Variants in ARRDC5 observed in about 807,000 individuals in gnomAD.
ARRDC5 encodes the protein arrestin domain-containing protein 5.
In ARRDC5, 12 loss-of-function variants were observed where a neutral mutation model predicts 13.3. That is an observed-to-expected ratio of 0.90 (90% CI 0.58 to 1.46). The LOEUF is 1.46. ARRDC5 is among the 40% of genes most tolerant of loss of function. The pLI, the probability that ARRDC5 is intolerant of heterozygous loss-of-function variation, is 0.00. For missense variants in ARRDC5, 406 were observed against 418.7 expected, an observed-to-expected ratio of 0.97 and a Z score of 0.26; for synonymous variants, 181 against 173.4, an observed-to-expected ratio of 1.04 and a Z score of -0.34.
chr19:4,911,396 T>C, the ARRDC5 span, among the ~76,000 whole-genome samples: 1 of 152,172 alleles, frequency 6.6e-6, no homozygotes, highest in Non-Finnish European at 1.5e-5. Context: ...GACCATCTGG[T>C]AGCTAGGACG....
the ARRDC5 span, among the ~76,000 whole-genome samples, chr19:4,914,404 T>C: frequency 2.0e-5 from 3 of 152,288 alleles, no homozygotes; most frequent in East Asian, 5.8e-4. Flanking sequence ...AGTCTTTTTT[T>C]TTCCCTGTTT....
the ARRDC5 span, among the ~76,000 whole-genome samples, chr19:4,908,415 C>T: frequency 6.6e-6 from 1 of 152,112 alleles, no homozygotes; most frequent in African/African-American, 2.4e-5. Context: ...AGACCAAAGT[C>T]CTCCCCGGTG....
At chr19:4,907,038 C>T (rs1194502084), upstream of ARRDC5, among the ~76,000 whole-genome samples, 1 of 152,190 alleles carries the variant, frequency 6.6e-6, no homozygotes, top group Non-Finnish European at 1.5e-5. Context: ...ACCATCTGGA[C>T]ATCGTGGATT....
the ARRDC5 span, among the ~76,000 whole-genome samples, chr19:4,913,557 G>C: frequency 1.2e-4 from 18 of 151,954 alleles, no homozygotes; most frequent in Non-Finnish European, 2.5e-4. Context: ...ACCCAGCCAC[G>C]TACATTGTGC....
chr19:4,893,512 A>G (rs1189510222), intron 2 of ARRDC5, among the ~76,000 whole-genome samples: 5 of 150,856 alleles, frequency 3.3e-5, no homozygotes, highest in East Asian at 1.9e-4. Flanking sequence ...TCTCAAAAAA[A>G]AAAAGAAAAG....
the ARRDC5 span, chr19:4,909,901 C>T: frequency 1.6e-5 from 6 of 370,136 alleles, no homozygotes; most frequent in Non-Finnish European, 2.4e-5. Context: ...TGGGGGAGGG[C>T]CTGGCGAGCC....
the ARRDC5 span, among the ~76,000 whole-genome samples, chr19:4,913,224 C>T: frequency 2.0e-5 from 3 of 147,530 alleles, no homozygotes; most frequent in Admixed American, 6.8e-5. Flanking sequence ...GACAGGAACA[C>T]GTATGTTAAT....
chr19:4,898,774 G>C (rs537923965), intron 1 of ARRDC5, among the ~76,000 whole-genome samples: 1 of 150,574 alleles, frequency 6.6e-6, no homozygotes, highest in East Asian at 2.0e-4. Flanking sequence ...CTACAGGCGC[G>C]TGTCACCACA....
At chr19:4,898,392 C>T (rs1170196728) in intron 1 of ARRDC5, among the ~76,000 whole-genome samples, 2 of 151,984 alleles carry the variant, frequency 1.3e-5, no homozygotes, top group Non-Finnish European at 2.9e-5. Context: ...GACAGAATCT[C>T]ACTCTGTCAC....
At chr19:4,916,606 C>T in the ARRDC5 span, among the ~76,000 whole-genome samples, 1 of 152,162 alleles carries the variant, frequency 6.6e-6, no homozygotes, top group African/African-American at 2.4e-5. Context: ...TCCACCCGTC[C>T]TGTGTGCTGG....
At chr19:4,893,856 C>T (rs1440917108) in intron 2 of ARRDC5, among the ~76,000 whole-genome samples, 2 of 140,352 alleles carry the variant, frequency 1.4e-5, no homozygotes, top group East Asian at 4.3e-4. Flanking sequence ...TCCAGGCTAA[C>T]AGGGTGAAAC....
the ARRDC5 span, chr19:4,909,167 C>A: frequency 2.8e-6 from 1 of 360,356 alleles, no homozygotes; most frequent in Non-Finnish European, 5.1e-6. Flanking sequence ...TCAATGCGTG[C>A]GAGTGGGGGG....
chr19:4,908,807 A>G, the ARRDC5 span, among the ~76,000 whole-genome samples: 1 of 152,154 alleles, frequency 6.6e-6, no homozygotes, highest in African/African-American at 2.4e-5. Flanking sequence ...TCTGCCATGT[A>G]CACCGCTGGG....
At chr19:4,906,930 C>T (rs1032900656), upstream of ARRDC5, among the ~76,000 whole-genome samples, 2 of 152,206 alleles carry the variant, frequency 1.3e-5, no homozygotes, top group Admixed American at 6.6e-5. Flanking sequence ...TGGGCCTGCT[C>T]ATACCTGTGG....
At chr19:4,909,573 T>G in the ARRDC5 span, 1 of 655,432 alleles carries the variant, frequency 1.5e-6, no homozygotes, top group East Asian at 3.2e-5. Context: ...CCGCGCGGGG[T>G]CCGGGCCACG....
At chr19:4,913,637 C>T in the ARRDC5 span, among the ~76,000 whole-genome samples, 1 of 152,114 alleles carries the variant, frequency 6.6e-6, no homozygotes, top group East Asian at 1.9e-4. Context: ...CCGGACTGAA[C>T]AGGGAGCTGG....
intron 2 of ARRDC5, among the ~76,000 whole-genome samples, chr19:4,893,130 TA>T (rs1261718024): frequency 7.1e-6 from 1 of 140,972 alleles, no homozygotes; most frequent in African/African-American, 2.6e-5. Flanking sequence ...TATAATAATA[TA>T]ATATATATTA....
chr19:4,891,285 T>C lies in ARRDC5; in HGVS notation c.748A>G (p.Thr250Ala). 6.2e-7 allele frequency: 1 copy of C among 1,613,844 alleles called. No individual in the cohort carries two copies. The highest frequency in any genetic ancestry group is 8.5e-7 in the Non-Finnish European group (1 of 1,179,862). Residue 250 changes from threonine to alanine, a missense_variant, in exon 3 of 3, where the codon ACC becomes GCC. Transcript: ENST00000650722. ...TTGAAGGTGCTGACAACCTTGGTGGTGTTGAAGCGGGTCACGGGGGTGTTG... is the reference window on the plus strand; with the variant it reads ...TTGAAGGTGCTGACAACCTTGGTGGCGTTGAAGCGGGTCACGGGGGTGTTG... ...EANTPVTRFN[T>A]TKVVSTFNLP... is the part of the protein sequence containing the mutation.
chr19:4,902,546 A>G (rs866889168), intron 1 of ARRDC5, 27 bp downstream of exon 1: 4 of 1,608,146 alleles, frequency 2.5e-6, no homozygotes, highest in Non-Finnish European at 3.4e-6. Flanking sequence ...TGTCATGGCT[A>G]GGGGTGGCTG....
Sources: gnomAD v4.1 joint callset for allele counts (sites outside exome capture counted in the v4.1 genomes callset) on GRCh38, gnomAD v4.1.1 for gene constraint, MANE v1.5 for transcripts, NCBI Gene and HGNC (gene_info 2026-07-23, HGNC 2026-07-21) for gene names.